CMIP: variants seen among roughly 807,000 people sequenced by gnomAD.
The protein encoded by CMIP is c-Maf inducing protein.
A neutral mutation model predicts 97.3 loss-of-function variants in CMIP; 13 were observed. That is an observed-to-expected ratio of 0.13 (90% CI 0.09 to 0.21). The LOEUF (loss-of-function observed/expected upper bound fraction) is 0.21, where lower values mean the gene tolerates loss of function less well. CMIP is among the 10% of genes least tolerant of loss of function. The probability of loss-of-function intolerance (pLI) is 1.00; values close to 1 mark genes in which losing one functional copy is unlikely to be tolerated. For missense variants in CMIP, 847 were observed against 1,024.9 expected (o/e 0.83, Z 2.37); for synonymous variants, 538 against 436.3 (o/e 1.23, Z -2.91).
intron 5 of CMIP, among the ~76,000 whole-genome samples, chr16:81,660,664 G>C (rs1241394747): frequency 6.6e-6 from 1 of 152,114 alleles, no homozygotes. Context: ...GAAACACCTT[G>C]TTTTCAGGTG....
At chr16:81,477,380 C>T (rs757530623) in intron 1 of CMIP, among the ~76,000 whole-genome samples, 16 of 152,186 alleles carry the variant, frequency 1.1e-4, no homozygotes, top group Non-Finnish European at 1.8e-4. Context: ...AGGCTCGTCT[C>T]GAACTCCTGG....
intron 9 of CMIP, among the ~76,000 whole-genome samples, chr16:81,674,068 G>A (rs913056028): frequency 1.3e-5 from 2 of 152,174 alleles, no homozygotes; most frequent in South Asian, 2.1e-4. Context: ...TCTTGCAGCA[G>A]GGCATGAGAG....
chr16:81,445,350 G>C lies in CMIP; in HGVS notation c.109G>C (p.Ala37Pro). 1 of 1,599,858 alleles carries C rather than the reference G, an allele frequency of 6.3e-7. No individual in the cohort carries two copies. The highest frequency in any genetic ancestry group is 8.5e-7 in the Non-Finnish European group (1 of 1,173,914). The stretch of plus-strand genomic sequence containing the variant: ...GGCCCCCGAAGGCACGAAGATGGGC[G>C]CCGTGCCCTGCCGCCGGGCTCTTCT... ...VSAPEGTKMG[A>P]VPCRRALLLC... Residue 37 changes from alanine (A) to proline (P), a missense_variant, in exon 1 of 21, where the codon GCC becomes CCC. Ala to Pro is a conservative substitution (Grantham distance 27). Transcript: ENST00000537098.
At chr16:81,687,221 C>T (rs1429606203) in intron 10 of CMIP, among the ~76,000 whole-genome samples, 1 of 151,934 alleles carries the variant, frequency 6.6e-6, no homozygotes, top group South Asian at 2.1e-4. Context: ...ACCAGCCATC[C>T]ACCCAGCCCG....
intron 1 of CMIP, among the ~76,000 whole-genome samples, chr16:81,592,527 C>A (rs889600828): frequency 6.6e-6 from 1 of 152,204 alleles, no homozygotes; most frequent in Non-Finnish European, 1.5e-5. Context: ...TCCTGCGGTG[C>A]CTTTGGCACT....
chr16:81,678,138 C>G lies in CMIP; in HGVS notation c.1035-137C>G, dbSNP rs117658088. On this transcript the variant is annotated intron_variant, in intron 9 of 20. Coordinates refer to ENST00000537098, the MANE Select transcript of CMIP (RefSeq NM_198390.3). ...CACCCAGGCTGAGCCTCAGTTTCCT[C>G]ATTTGTAGCACAGGAATGATGATAG... 8.7e-6 allele frequency: 6 copies of G among 687,066 alleles called. No homozygotes were observed. In the East Asian group the frequency reaches 1.7e-4, roughly 19 times the overall value. The allele number at this position is 687,066 out of a possible 1,614,324, so 42.6% of individuals were successfully genotyped here.
chr16:81,539,426 C>T (rs1053567078), intron 1 of CMIP, among the ~76,000 whole-genome samples: 18 of 152,140 alleles, frequency 1.2e-4, no homozygotes, highest in African/African-American at 4.3e-4. Context: ...ACACAAGGGC[C>T]GTTTGAAGCA....
intron 10 of CMIP, among the ~76,000 whole-genome samples, chr16:81,679,156 A>G (rs563129238): frequency 6.6e-6 from 1 of 152,182 alleles, no homozygotes; most frequent in East Asian, 1.9e-4. Flanking sequence ...CTGAACGGCC[A>G]TGGGTGGATG....
In CMIP at chr16:81,652,945, C is replaced by G. The variant is rs2151007836; in HGVS notation, c.639+581C>G. ...TTGTGCCAGGCACCATCTGGGAATT[C>G]AAGCAAAGACAAGCCCCCTACCCCC... On this transcript the variant is annotated intron_variant, in intron 4 of 20. Coordinates refer to ENST00000537098, the MANE Select transcript of CMIP (RefSeq NM_198390.3). This position sits in a 1 kb window ranked among gnomAD's most constrained non-coding sequence, Gnocchi z 5.2. Among the ~76,000 whole-genome samples the G allele has an allele frequency of 6.6e-6, 1 of 152,212 alleles. No individual in the cohort carries two copies. Among genetic ancestry groups the G allele is most frequent in the African/African-American group, 2.4e-5 (1 of 41,514 alleles).
intron 1 of CMIP, among the ~76,000 whole-genome samples, chr16:81,499,087 G>A (rs975782347): frequency 1.3e-5 from 2 of 152,132 alleles, no homozygotes; most frequent in Admixed American, 6.5e-5. Context: ...CAGTTAGATC[G>A]GTGTAGAGAA....
At chr16:81,632,455 G>A (rs950580438) in intron 3 of CMIP, among the ~76,000 whole-genome samples, 1 of 152,192 alleles carries the variant, frequency 6.6e-6, no homozygotes, top group African/African-American at 2.4e-5. Flanking sequence ...AGCAGTGTCT[G>A]CAGTAGCACA....
intron 1 of CMIP, among the ~76,000 whole-genome samples, chr16:81,537,081 A>T (rs1437457925): frequency 6.6e-6 from 1 of 152,164 alleles, no homozygotes; most frequent in African/African-American, 2.4e-5. Flanking sequence ...TGACTTTAAG[A>T]GTAAGTTGCT....
intron 1 of CMIP, among the ~76,000 whole-genome samples, chr16:81,542,523 C>G (rs1458598704): frequency 6.6e-6 from 1 of 152,286 alleles, no homozygotes; most frequent in East Asian, 1.9e-4. Context: ...GGACCTTCAT[C>G]TGAGGGTCGT....
At chr16:81,457,931 G>T (rs564986160) in intron 1 of CMIP, among the ~76,000 whole-genome samples, 52 of 152,184 alleles carry the variant, frequency 3.4e-4, no homozygotes, top group Non-Finnish European at 6.5e-4. Context: ...CCCTACCTTT[G>T]ATCCCTCCCG....
intron 18 of CMIP, 81 bp downstream of exon 18, chr16:81,704,166 C>T (rs1597276024): frequency 3.1e-6 from 4 of 1,287,962 alleles, no homozygotes; most frequent in East Asian, 5.2e-5. Flanking sequence ...CCCGTACCAT[C>T]TTCCTTTCCC....
Position 81,693,142 on chromosome 16 carries a change from C to G in CMIP, c.1455-16C>G, listed in dbSNP as rs1567666931. The G allele has an allele frequency of 1.2e-6, 2 of 1,610,990 alleles. No individual in the cohort carries two copies. The highest frequency in any genetic ancestry group is 1.3e-5 in the African/African-American group (1 of 74,858). On this transcript the variant is annotated splice_polypyrimidine_tract_variant and intron_variant, in intron 11 of 20. Coordinates refer to ENST00000537098, the MANE Select transcript of CMIP (RefSeq NM_198390.3). ...GCTTCTGTTAACCGCCGTGTTTTCC[C>G]CTGTTTTTGTTGCAGAGCTCTCGCA...
intron 8 of CMIP, 43 bp downstream of exon 8, chr16:81,670,288 T>A: frequency 1.3e-6 from 2 of 1,559,844 alleles, no homozygotes; most frequent in Non-Finnish European, 1.7e-6. Flanking sequence ...TAGGAGCCAC[T>A]TTCCTCTCGG....
intron 1 of CMIP, among the ~76,000 whole-genome samples, chr16:81,579,704 A>T (rs1464507697): frequency 2.1e-5 from 3 of 140,664 alleles, no homozygotes; most frequent in Non-Finnish European, 4.9e-5. Flanking sequence ...CATGTAAAAA[A>T]AGAGTTCTGC....
In CMIP at chr16:81,645,610, T is replaced by A. The variant is rs546674988; in HGVS notation, c.478-6593T>A. ...CAAGTGTTGCCCAGGTAACGTCCCTTCCTTGACAAGCAGAGAGGGTGAGGA... is the reference window on the plus strand; with the variant it reads ...CAAGTGTTGCCCAGGTAACGTCCCTACCTTGACAAGCAGAGAGGGTGAGGA... On this transcript the variant is annotated intron_variant, in intron 3 of 20. Transcript: ENST00000537098. The A allele has an allele frequency of 2.6e-4, 404 of 1,535,800 alleles. 5 individuals carry two copies. In the South Asian group the frequency reaches 4.1e-3, roughly 16 times the overall value.
Sources: gnomAD v4.1 joint callset for allele counts (sites outside exome capture counted in the v4.1 genomes callset) on GRCh38, gnomAD v4.1.1 for gene constraint, Gnocchi (gnomAD v3.1) non-coding constraint, MANE v1.5 for transcripts, NCBI Gene and HGNC (gene_info 2026-07-23, HGNC 2026-07-21) for gene names.